DGKA: variants seen among roughly 807,000 people sequenced by gnomAD.
The protein encoded by DGKA is diacylglycerol kinase alpha, also known as 80 kDa diacylglycerol kinase.
A neutral mutation model predicts 105.0 loss-of-function variants in DGKA; 35 were observed. The observed-to-expected ratio is 0.33, with a 90% CI of 0.25 to 0.44. The LOEUF (loss-of-function observed/expected upper bound fraction) is 0.44. Among genes scored for constraint, DGKA ranks in the 20% least tolerant of loss-of-function variants. DGKA has a pLI of 1.00. For synonymous variants in DGKA, 296 were observed against 332.0 expected (o/e 0.89, Z 1.18); for missense variants, 665 against 915.0 (o/e 0.73, Z 3.53).
intron 17 of DGKA, among the ~76,000 whole-genome samples, chr12:55,946,831 T>TACACTGTTGGCAGGAGTCATTGGCAAAA (rs1887110372): frequency 6.6e-6 from 1 of 152,188 alleles, no homozygotes; most frequent in Admixed American, 6.5e-5. Context: ...GAACGAAAGA[T>TACACTGTTGGCAGGAGTCATTGGCAAAA]ACACTGTTGG....
chr12:55,951,672 T>C lies in DGKA; in HGVS notation c.1476T>C (p.Ser492=), dbSNP rs368928223. Residue 492 remains serine (S), a synonymous_variant, in exon 18 of 24, where the codon AGT becomes AGC. Transcript: ENST00000331886. The part of the protein sequence containing the change: ...LAKILKDLEM[S]KVVHMDRWSV... ...AGATCCTCAAGGATTTAGAGATGAG[T>C]AAAGTGGTACATATGGATCGATGGT... 6.2e-6 allele frequency: 10 copies of C among 1,613,808 alleles called. No homozygotes were observed. Among genetic ancestry groups the C allele is most frequent in the Non-Finnish European group, 7.6e-6 (9 of 1,180,008 alleles).
chr12:55,953,384 G>A lies in DGKA; in HGVS notation c.2098G>A (p.Glu700Lys), dbSNP rs1375267609. ...TKTLPMQIDG[E>K]PWMQTPCTIK... Reference sequence around the variant, plus strand: ...AACCCTTCCCATGCAAATTGACGGAGAACCCTGGATGCAGACGCCCTGTAC... The same window carrying A: ...AACCCTTCCCATGCAAATTGACGGAAAACCCTGGATGCAGACGCCCTGTAC... The change falls in exon 23 of 24, where the codon GAA (glutamate) becomes AAA (lysine). Residue 700 changes from glutamate (E) to lysine (K), a missense_variant. Coordinates refer to ENST00000331886, the MANE Select transcript of DGKA (RefSeq NM_001345.5). 3 of 1,614,082 alleles carry A rather than the reference G, an allele frequency of 1.9e-6. No individual in the cohort carries two copies. The highest frequency in any genetic ancestry group is 2.5e-6 in the Non-Finnish European group (3 of 1,179,992).
At position 55,940,502 on chromosome 12, in the gene DGKA, G is replaced by A. The variant is rs1885690577; in HGVS notation, c.918+69G>A. 8 of 1,594,922 alleles carry A rather than the reference G, an allele frequency of 5.0e-6. No individual in the cohort carries two copies. The highest frequency in any genetic ancestry group is 6.8e-6 in the Non-Finnish European group (8 of 1,170,144). ...GAGCTGCCTTCTCCACGGGCCTCCG[G>A]CCACACCTCCTTTACAGGCACAGTT... On this transcript the variant is annotated intron_variant, in intron 11 of 23. Transcript: ENST00000331886. This position sits in a 1 kb window ranked among gnomAD's most constrained non-coding sequence, Gnocchi z 4.3.
At chr12:55,933,441 C>G (rs1012267404) in intron 1 of DGKA, 2 of 151,128 alleles carry the variant, frequency 1.3e-5, no homozygotes, top group Non-Finnish European at 3.0e-5. Context: ...TTCGCCTAGA[C>G]TAGCCCAGGT....
In DGKA at chr12:55,953,352, C is replaced by T; in HGVS notation, c.2066C>T (p.Thr689Ile). 2 of 1,614,028 alleles carry T rather than the reference C, an allele frequency of 1.2e-6. No homozygotes were observed. Among genetic ancestry groups the T allele is most frequent in the Non-Finnish European group, 1.7e-6 (2 of 1,179,974 alleles). The change falls in exon 23 of 24, where the codon ACC (threonine) becomes ATC (isoleucine). Residue 689 changes from threonine to isoleucine, a missense_variant and splice_region_variant. Coordinates refer to ENST00000331886, the MANE Select transcript of DGKA (RefSeq NM_001345.5). The stretch of plus-strand genomic sequence containing the variant: ...CAATGTTCCTTGGCCTCCTATAGCA[C>T]CACAAAAACCCTTCCCATGCAAATT... ...LAKCSEITFH[T>I]TKTLPMQIDG...
At chr12:55,945,812 C>A (rs569517053) in intron 17 of DGKA, among the ~76,000 whole-genome samples, 2 of 150,238 alleles carry the variant, frequency 1.3e-5, no homozygotes, top group Admixed American at 1.3e-4. Context: ...TTTTTTAAGA[C>A]AGAGTCTCCC....
chr12:55,936,057 GGAAGAA>G, intron 1 of DGKA: 1 of 983,916 alleles, frequency 1.0e-6, no homozygotes, highest in Non-Finnish European at 1.2e-6. Flanking sequence ...TGACGATGGT[GGAAGAA>G]AGCGCAGAAA....
upstream of DGKA, chr12:55,928,060 CG>C: frequency 2.2e-6 from 1 of 449,740 alleles, no homozygotes; most frequent in Non-Finnish European, 4.0e-6. Flanking sequence ...TGCCCTGCGC[CG>C]TACCTCCCTA....
chr12:55,952,901 C>A lies in DGKA; in HGVS notation c.1911C>A (p.Thr637=). The change falls in exon 21 of 24, where the codon ACC becomes ACA. Residue 637 remains threonine, a synonymous_variant. Coordinates refer to ENST00000331886, the MANE Select transcript of DGKA (RefSeq NM_001345.5). The surrounding 1 kb of genome is among the most constrained non-coding windows in gnomAD (Gnocchi z 5.1). ...TAGGTGCTACAGCTAAAGTCATCAC[C>A]GACCCTGATATCCTGAAAACCTGTG... ...QALGATAKVI[T]DPDILKTCVP... The A allele has an allele frequency of 6.2e-7, 1 of 1,614,164 alleles. No individual in the cohort carries two copies.
chr12:55,946,352 T>C (rs1886996528), intron 17 of DGKA, among the ~76,000 whole-genome samples: 6 of 151,400 alleles, frequency 4.0e-5, no homozygotes, highest in Admixed American at 3.9e-4. Flanking sequence ...GTTTTGTTGT[T>C]GTTGTTGTTG....
chr12:55,934,226 C>A (rs935401743), intron 1 of DGKA, among the ~76,000 whole-genome samples: 1 of 152,196 alleles, frequency 6.6e-6, no homozygotes, highest in Non-Finnish European at 1.5e-5. Flanking sequence ...TTTGCTCCCT[C>A]CTTGTCACTT....
At position 55,932,246 on chromosome 12, in the gene DGKA, G is replaced by C; in HGVS notation, c.-82+902G>C. The C allele has an allele frequency of 2.4e-6, 1 of 413,530 alleles. No individual in the cohort carries two copies. The highest frequency in any genetic ancestry group is 4.5e-6 in the Non-Finnish European group (1 of 221,904). 25.6% of individuals were successfully genotyped at this position (413,530 alleles called of 1,614,324 possible). On this transcript the variant is annotated intron_variant, in intron 1 of 23. Transcript: ENST00000331886. This position sits in a 1 kb window ranked among gnomAD's most constrained non-coding sequence, Gnocchi z 4.3. ...GGGTCGGGAAGGAGGAAGCGTGACAGCTGGAGCGGGTATCGAGAAGGGTCT... is the reference window on the plus strand; with the variant it reads ...GGGTCGGGAAGGAGGAAGCGTGACACCTGGAGCGGGTATCGAGAAGGGTCT...
chr12:55,928,067 C>G (rs181369393), upstream of DGKA, among the ~76,000 whole-genome samples: 1 of 152,200 alleles, frequency 6.6e-6, no homozygotes, highest in Non-Finnish European at 1.5e-5. Flanking sequence ...CGCCGTACCT[C>G]CCTATTCTGC....
chr12:55,934,131 C>G (rs916797078), intron 1 of DGKA, among the ~76,000 whole-genome samples: 1 of 152,180 alleles, frequency 6.6e-6, no homozygotes, highest in African/African-American at 2.4e-5. Flanking sequence ...ACCTGGGGAG[C>G]TAGGAAGGAG....
In DGKA at chr12:55,932,745, C is replaced by G. The variant is rs944727831; in HGVS notation, c.-82+1401C>G. 1.5e-5 allele frequency: 9 copies of G among 611,808 alleles called. No homozygotes were observed. The highest frequency in any genetic ancestry group is 2.4e-5 in the Non-Finnish European group (8 of 336,484). The allele number at this position is 611,808 out of a possible 1,614,324, so 37.9% of individuals were successfully genotyped here. On this transcript the variant is annotated intron_variant, in intron 1 of 23. Transcript: ENST00000331886. This position sits in a 1 kb window ranked among gnomAD's most constrained non-coding sequence, Gnocchi z 4.3. ...CACACACACACACACACACACAACC[C>G]CCTCAGCCAGGTGTAGCACTGCAGT...
chr12:55,937,276 C>A, intron 3 of DGKA, 132 bp from the exon 4 acceptor site: 2 of 1,276,032 alleles, frequency 1.6e-6, no homozygotes, highest in Non-Finnish European at 2.2e-6. Context: ...AGGACTTAAT[C>A]AAAGAAACCA....
rs535111888 is a variant in DGKA, at chr12:55,937,608, G to T, written c.274+65G>T. On this transcript the variant is annotated intron_variant, in intron 4 of 23. Transcript: ENST00000331886. ...GAAAAATCAAACTAGTATGGATTTG[G>T]GGTTGAGAATTAACTTGAGTCACAC... The T allele has an allele frequency of 2.5e-6, 4 of 1,576,920 alleles. No homozygotes were observed. The East Asian group carries it at 6.7e-5, about 27-fold the overall frequency.
chr12:55,937,544 G>A lies in DGKA; in HGVS notation c.274+1G>A. 3 of 1,614,012 alleles carry A rather than the reference G, an allele frequency of 1.9e-6. No individual in the cohort carries two copies. Among genetic ancestry groups the A allele is most frequent in the Non-Finnish European group, 2.5e-6 (3 of 1,179,924 alleles). On this transcript the variant is annotated splice_donor_variant, in intron 4 of 23. Coordinates refer to ENST00000331886, the MANE Select transcript of DGKA (RefSeq NM_001345.5). LOFTEE classifies it high-confidence loss of function. ...TTAAATGAGACAAATGTGACAAAAG[G>A]TATGGTCAAGCAGGTAGGACTGGGC...
Position 55,940,959 on chromosome 12 carries a change from G to C in DGKA, c.1080G>C (p.Leu360Phe), listed in dbSNP as rs772027345. Residue 360 changes from leucine (L) to phenylalanine (F), a missense_variant, in exon 13 of 24, where the codon TTG becomes TTC. Around this residue, in one of 3 missense-constraint regions of DGKA, gnomAD observed 504 missense variants for 681.2 expected, o/e 0.74. Transcript: ENST00000331886. The surrounding 1 kb of genome is among the most constrained non-coding windows in gnomAD (Gnocchi z 4.3). The part of the protein sequence containing the change: ...TSQKTMDDLN[L>F]STSEALRIDP... ...AGAAGACCATGGATGATTTAAATTTGAGCACCTCTGAGGCTCTGCGGGTAC... is the reference window on the plus strand; with the variant it reads ...AGAAGACCATGGATGATTTAAATTTCAGCACCTCTGAGGCTCTGCGGGTAC... The C allele has an allele frequency of 1.9e-6, 3 of 1,614,048 alleles. No individual in the cohort carries two copies. The highest frequency in any genetic ancestry group is 1.7e-6 in the Non-Finnish European group (2 of 1,179,996).
Sources: gnomAD v4.1 joint callset for allele counts (sites outside exome capture counted in the v4.1 genomes callset) on GRCh38, gnomAD v4.1.1 for gene constraint, gnomAD v4.1.1 regional missense constraint, Gnocchi (gnomAD v3.1) non-coding constraint, MANE v1.5 for transcripts, NCBI Gene and HGNC (gene_info 2026-07-23, HGNC 2026-07-21) for gene names.